Variants in TONSL observed in about 807,000 individuals in gnomAD.
TONSL encodes the protein tonsoku like, DNA repair protein.
Under a neutral mutation model 147.1 loss-of-function variants are expected in TONSL, and 112 were observed. The ratio of observed to expected loss-of-function variants is 0.76; its 90% CI spans 0.65 to 0.89. The LOEUF is 0.89. Among genes scored for constraint, TONSL ranks in the 40% least tolerant of loss-of-function variants. TONSL has a pLI of 0.00. For synonymous variants in TONSL, 868 were observed against 801.5 expected (o/e 1.08, Z -1.40); for missense variants, 1,883 against 1,864.6 (o/e 1.01, Z -0.18).
intron 5 of TONSL, 32 bp downstream of exon 5, chr8:144,442,645 C>T (rs1172470463): frequency 1.2e-6 from 2 of 1,601,754 alleles, no homozygotes; most frequent in Non-Finnish European, 1.7e-6. Flanking sequence ...ACAAGGGACT[C>T]CACTCCCTCC....
Position 144,429,054 on chromosome 8 carries a change from G to T in TONSL, c.*89C>A. The T allele has an allele frequency of 1.5e-6, 2 of 1,375,722 alleles. No individual in the cohort carries two copies. The highest frequency in any genetic ancestry group is 1.9e-6 in the Non-Finnish European group (2 of 1,049,366). 85.2% of individuals were successfully genotyped at this position (1,375,722 alleles called of 1,614,324 possible). On this transcript the variant is annotated 3_prime_UTR_variant, in exon 26 of 26. Coordinates refer to ENST00000409379, the MANE Select transcript of TONSL (RefSeq NM_013432.5). Reference sequence around the variant, plus strand: ...TCCGCCCGCCTGGGCCTCCCAAAGTGTTGGGATTACAGGCGTGAGCCACCG... The same window carrying T: ...TCCGCCCGCCTGGGCCTCCCAAAGTTTTGGGATTACAGGCGTGAGCCACCG...
In TONSL at chr8:144,442,671, C is replaced by T. The variant is rs1823764713; in HGVS notation, c.578+6G>A. 6.2e-7 allele frequency: 1 copy of T among 1,611,810 alleles called. No homozygotes were observed. Among genetic ancestry groups the T allele is most frequent in the Non-Finnish European group, 8.5e-7 (1 of 1,179,410 alleles). On this transcript the variant is annotated splice_donor_region_variant and intron_variant, in intron 5 of 25. Transcript: ENST00000409379. ...CACTCCCTCCTGGGGCGGGGCAGGG[C>T]CTTACTCCGCAAGGAAGATGCTCTT... is the stretch of plus-strand genomic sequence containing the variant.
intron 8 of TONSL, 27 bp from the exon 9 acceptor site, chr8:144,440,897 G>A (rs1823692462): frequency 1.2e-6 from 2 of 1,612,426 alleles, no homozygotes; most frequent in African/African-American, 2.7e-5. Context: ...TGAGGCCAGG[G>A]GCTGCCACCC....
chr8:144,438,702 T>G lies in TONSL; in HGVS notation c.1514A>C (p.Glu505Ala). The G allele has an allele frequency of 6.2e-7, 1 of 1,613,236 alleles. No individual in the cohort carries two copies. Residue 505 changes from glutamate (E) to alanine (A), a missense_variant, in exon 12 of 26, where the codon GAG becomes GCG. Coordinates refer to ENST00000409379, the MANE Select transcript of TONSL (RefSeq NM_013432.5). ...DDTDGLTPQLEEDEELQGHLG... is the reference protein window; with the variant it reads ...DDTDGLTPQLAEDEELQGHLG... ...GTGGCCCTGAAGCTCCTCGTCCTCC[T>G]CCAGCTGCGGGGTCAGGCCATCGGT...
At chr8:144,438,234 ACTGTGTTGCCCAGG>A in intron 13 of TONSL, 1 of 578,332 alleles carries the variant, frequency 1.7e-6, no homozygotes, top group South Asian at 2.1e-5. Flanking sequence ...ACAGGGTCTC[ACTGTGTTGCCCAGG>A]CTGGAGTGCA....
chr8:144,436,464 C>A, intron 16 of TONSL, 46 bp from the exon 17 acceptor site: 5 of 1,544,322 alleles, frequency 3.2e-6, no homozygotes, highest in Non-Finnish European at 4.4e-6. Context: ...CGGCACCTCC[C>A]GCTCCACCTG....
At chr8:144,440,239 G>A (rs747294775) in intron 10 of TONSL, 29 bp from the exon 11 acceptor site, 3 of 1,575,164 alleles carry the variant, frequency 1.9e-6, no homozygotes, top group Admixed American at 1.8e-5. Context: ...CTCAGCTCAG[G>A]ACTGGGGGCT....
At chr8:144,433,358 GA>G in intron 22 of TONSL, 2 of 485,650 alleles carry the variant, frequency 4.1e-6, no homozygotes, top group Non-Finnish European at 7.3e-6. Context: ...TTACAGGCGT[GA>G]GCCACTGCGC....
chr8:144,428,795 T>A lies in TONSL; in HGVS notation c.*348A>T, dbSNP rs1305147012. Reference sequence around the variant, plus strand: ...AGGCAGCAGCTTCATTTATTTTATTTTTTTTTTTTTTTGAGACGGAGTCTC... The same window carrying A: ...AGGCAGCAGCTTCATTTATTTTATTATTTTTTTTTTTTGAGACGGAGTCTC... On this transcript the variant is annotated 3_prime_UTR_variant, in exon 26 of 26. Transcript: ENST00000409379. 10 of 130,666 alleles carry A rather than the reference T, an allele frequency of 7.7e-5. No homozygotes were observed. Among genetic ancestry groups the A allele is most frequent in the South Asian group, 4.3e-4 (2 of 4,636 alleles). The allele number at this position is 130,666 out of a possible 1,614,324, so 8.1% of individuals were successfully genotyped here. A position where few individuals can be genotyped will look rare whatever the true frequency, so the allele number is the denominator to read the frequency against.
At chr8:144,435,218 A>G (rs1168085536) in intron 18 of TONSL, 48 bp from the exon 19 acceptor site, 2 of 1,448,936 alleles carry the variant, frequency 1.4e-6, no homozygotes, top group African/African-American at 2.8e-5. Flanking sequence ...CAGCCGGGGT[A>G]ATGCCCCAGG....
intron 4 of TONSL, 127 bp downstream of exon 4, chr8:144,443,011 C>T: frequency 3.9e-6 from 5 of 1,285,312 alleles, no homozygotes; most frequent in South Asian, 2.9e-5. Flanking sequence ...ATGCACCCCT[C>T]ACACAAGAGC....
In TONSL at chr8:144,444,401, C is replaced by T. The variant is rs1823831283; in HGVS notation, c.14G>A (p.Arg5His). The change falls in exon 1 of 26, where the codon CGC (arginine) becomes CAC (histidine). Residue 5 changes from arginine (R) to histidine (H), a missense_variant. Physicochemically the swap from Arg to His is conservative, Grantham distance 29 (BLOSUM62 0). Transcript: ENST00000409379. MSLE[R>H]ELRQLSKAKA... Reference sequence around the variant, plus strand: ...CCCGAGGAACTTACGGCGAAGCTCGCGCTCCAGGCTCATGCTCGGATCGCC... The same window carrying T: ...CCCGAGGAACTTACGGCGAAGCTCGTGCTCCAGGCTCATGCTCGGATCGCC... 1 of 1,270,872 alleles carries T rather than the reference C, an allele frequency of 7.9e-7. No individual in the cohort carries two copies. Among genetic ancestry groups the T allele is most frequent in the Non-Finnish European group, 9.9e-7 (1 of 1,006,626 alleles). 78.7% of individuals were successfully genotyped at this position (1,270,872 alleles called of 1,614,324 possible).
rs969189671 is a variant in TONSL, at chr8:144,443,376, C to T, written c.265-55G>A. The T allele has an allele frequency of 2.7e-6, 4 of 1,487,964 alleles. No individual in the cohort carries two copies. In the African/African-American group the frequency reaches 4.2e-5, roughly 16 times the overall value. 92.2% of individuals were successfully genotyped at this position (1,487,964 alleles called of 1,614,324 possible). A position where few individuals can be genotyped will look rare whatever the true frequency, so the allele number is the denominator to read the frequency against. ...GCCGACTCCGCCTCAAGCAAACCGG[C>T]ACCGCCAGATTCCCAGAGACCCTGT... On this transcript the variant is annotated intron_variant, in intron 3 of 25. Transcript: ENST00000409379.
At chr8:144,442,901 C>G in intron 4 of TONSL, 95 bp from the exon 5 acceptor site, 2 of 1,463,104 alleles carry the variant, frequency 1.4e-6, no homozygotes, top group Admixed American at 2.6e-5. Context: ...GCCTCTCCTA[C>G]CCCCTCCCTC....
chr8:144,438,384 TGA>T (rs754576036), intron 13 of TONSL, 85 bp downstream of exon 13: 2 of 1,422,556 alleles, frequency 1.4e-6, no homozygotes, highest in East Asian at 2.4e-5. Flanking sequence ...ATGAGGAAGT[TGA>T]GAGTTACAGA....
intron 11 of TONSL, 46 bp downstream of exon 11, chr8:144,439,975 G>A (rs746438686): frequency 1.0e-4 from 83 of 825,536 alleles, no homozygotes; most frequent in South Asian, 9.3e-4. Context: ...TCTCCAGCCC[G>A]GCCCAGAGCA....
rs933814542 is a variant in TONSL, at chr8:144,436,039, A to G, written c.2394T>C (p.Gly798=). 3.2e-6 allele frequency: 5 copies of G among 1,571,076 alleles called. No homozygotes were observed. The East Asian group carries it at 1.2e-4, about 37-fold the overall frequency. Residue 798 remains glycine (G), a synonymous_variant, in exon 17 of 26, where the codon GGT becomes GGC. Coordinates refer to ENST00000409379, the MANE Select transcript of TONSL (RefSeq NM_013432.5). ...SRAAYQAAIR[G]VGSAQSRLGP... ...CCAGCCGGCTCTGAGCACTGCCCAC[A>G]CCCCGGATGGCTGCCTGGTAGGCTG...
intron 3 of TONSL, among the ~76,000 whole-genome samples, chr8:144,443,563 G>T (rs1288613582): frequency 7.6e-6 from 1 of 132,330 alleles, no homozygotes; most frequent in African/African-American, 4.4e-5. Context: ...GGAGTTGGCG[G>T]GGGGGTTGCA....
chr8:144,442,559 G>A, intron 5 of TONSL, 118 bp downstream of exon 5: 5 of 1,495,738 alleles, frequency 3.3e-6, no homozygotes, highest in Non-Finnish European at 4.5e-6. Context: ...GTGAGAGGTG[G>A]GGGGATGAGG....
Sources: allele counts gnomAD v4.1 joint callset (sites outside exome capture counted in the v4.1 genomes callset), GRCh38; gene constraint gnomAD v4.1.1; transcripts MANE v1.5; gene names NCBI Gene and HGNC (gene_info 2026-07-23, HGNC 2026-07-21).